Variants in PDE4B observed in about 807,000 individuals in gnomAD.
PDE4B encodes the protein phosphodiesterase 4B.
A neutral mutation model predicts 82.2 loss-of-function variants in PDE4B; 20 were observed. The ratio of observed to expected loss-of-function variants is 0.24; its 90% CI spans 0.17 to 0.35. The LOEUF is 0.35. Among genes scored for constraint, PDE4B ranks in the 10% least tolerant of loss-of-function variants. The pLI is 1.00. For synonymous variants in PDE4B, 320 were observed against 318.9 expected, an observed-to-expected ratio of 1.00 and a Z score of -0.04; for missense variants, 655 against 907.2, an observed-to-expected ratio of 0.72 and a Z score of 3.57.
chr1:66,213,042 T>G (rs1650188325), intron 3 of PDE4B, among the ~76,000 whole-genome samples: 2 of 152,214 alleles, frequency 1.3e-5, no homozygotes, highest in African/African-American at 4.8e-5. Context: ...AGCCTTCTTT[T>G]CTTTTTCTTT....
At chr1:66,002,981 A>G (rs1448831286) in intron 3 of PDE4B, among the ~76,000 whole-genome samples, 1 of 152,188 alleles carries the variant, frequency 6.6e-6, no homozygotes, top group African/African-American at 2.4e-5. Context: ...AATAGATGTT[A>G]CTGTTTAATT....
chr1:66,297,074 C>G (rs747622199), intron 7 of PDE4B, among the ~76,000 whole-genome samples: 3 of 152,070 alleles, frequency 2.0e-5, no homozygotes, highest in Non-Finnish European at 2.9e-5. Flanking sequence ...CTCTTCGTGT[C>G]TCTTTTCATA....
chr1:66,062,399 G>A (rs1388045481), intron 3 of PDE4B, among the ~76,000 whole-genome samples: 4 of 152,176 alleles, frequency 2.6e-5, no homozygotes, highest in East Asian at 3.9e-4. Context: ...ACAACTTGGG[G>A]ATTCTGTATA....
chr1:65,927,284 G>T (rs1427691663), intron 3 of PDE4B, among the ~76,000 whole-genome samples: 2 of 151,396 alleles, frequency 1.3e-5, no homozygotes, highest in Non-Finnish European at 2.9e-5. Context: ...AATGCACTGG[G>T]TGGTTATAGT....
rs1399342509 is a variant in PDE4B, at chr1:65,918,624, T to G, written c.70T>G (p.Leu24Val). The G allele has an allele frequency of 5.0e-6, 8 of 1,608,292 alleles. No individual in the cohort carries two copies. The Middle Eastern group carries it at 6.6e-4, about 133-fold the overall frequency. ...DNVKDYFECS[L>V]SKSYSSSSNT... ...TGTTAAAGATTATTTTGAATGTAGC[T>G]TGAGTAAATCCTACAGTTCTTCCAG... is the stretch of plus-strand genomic sequence containing the variant. The change falls in exon 3 of 17, where the codon TTG (leucine) becomes GTG (valine). Residue 24 changes from leucine (L) to valine (V), a missense_variant. Around this residue, in one of 3 missense-constraint regions of PDE4B, gnomAD observed 253 missense variants for 275.6 expected, o/e 0.92. Coordinates refer to ENST00000341517, the MANE Select transcript of PDE4B (RefSeq NM_002600.4).
At chr1:66,236,622 T>C (rs1652480790) in intron 3 of PDE4B, among the ~76,000 whole-genome samples, 1 of 152,166 alleles carries the variant, frequency 6.6e-6, no homozygotes, top group African/African-American at 2.4e-5. Context: ...TTGTTTTTGA[T>C]ACAAAACTTT....
At chr1:65,962,419 A>T (rs917898255) in intron 3 of PDE4B, among the ~76,000 whole-genome samples, 1 of 152,140 alleles carries the variant, frequency 6.6e-6, no homozygotes, top group African/African-American at 2.4e-5. Flanking sequence ...TCTGACCCAC[A>T]GGTAGCAGAA....
chr1:66,255,762 TG>T (rs1317093310), intron 4 of PDE4B, among the ~76,000 whole-genome samples: 1 of 152,252 alleles, frequency 6.6e-6, no homozygotes, highest in Non-Finnish European at 1.5e-5. Flanking sequence ...TGTATTAAAA[TG>T]TCTATTACAG....
intron 11 of PDE4B, 24 bp from the exon 12 acceptor site, chr1:66,363,383 G>A (rs977437331): frequency 3.8e-6 from 6 of 1,596,240 alleles, no homozygotes; most frequent in Admixed American, 1.7e-5. Context: ...ACTTATTTAT[G>A]TTCTAATCCA....
intron 7 of PDE4B, among the ~76,000 whole-genome samples, chr1:66,309,033 C>G (rs1475044044): frequency 6.6e-6 from 1 of 152,114 alleles, no homozygotes; most frequent in African/African-American, 2.4e-5. Context: ...AATGAATGCA[C>G]TGACATTTTG....
intron 3 of PDE4B, among the ~76,000 whole-genome samples, chr1:66,019,961 G>A (rs901826990): frequency 1.3e-5 from 2 of 152,198 alleles, no homozygotes; most frequent in African/African-American, 4.8e-5. Flanking sequence ...AGGTCTGCCA[G>A]TCAACAAGAA....
intron 7 of PDE4B, among the ~76,000 whole-genome samples, chr1:66,303,045 C>T (rs879739135): frequency 3.9e-5 from 6 of 152,142 alleles, no homozygotes; most frequent in Non-Finnish European, 8.8e-5. Context: ...ATTCAATTGC[C>T]TGTGTTGGAA....
chr1:66,252,207 T>C (rs1193044131), intron 4 of PDE4B, among the ~76,000 whole-genome samples: 1 of 152,224 alleles, frequency 6.6e-6, no homozygotes, highest in African/African-American at 2.4e-5. Context: ...ATCAGGAGCA[T>C]TCTCTTACTA....
chr1:66,249,755 T>C (rs2101681964), intron 4 of PDE4B, among the ~76,000 whole-genome samples: 1 of 151,512 alleles, frequency 6.6e-6, no homozygotes, highest in Admixed American at 6.6e-5. Context: ...ATGTAAATTA[T>C]TTAATATCAT....
intron 1 of PDE4B, among the ~76,000 whole-genome samples, chr1:65,859,295 T>C (rs1362529765): frequency 1.3e-5 from 2 of 152,120 alleles, no homozygotes; most frequent in African/African-American, 2.4e-5. Context: ...TAAAGGTCAA[T>C]TGATATCACA....
chr1:66,178,080 C>T (rs550169072), intron 3 of PDE4B, among the ~76,000 whole-genome samples: 4 of 151,442 alleles, frequency 2.6e-5, no homozygotes, highest in Admixed American at 1.3e-4. Flanking sequence ...GTATACATCT[C>T]TTATTCTAAC....
At chr1:66,026,812 C>T (rs1176161351) in intron 3 of PDE4B, among the ~76,000 whole-genome samples, 1 of 152,218 alleles carries the variant, frequency 6.6e-6, no homozygotes, top group Non-Finnish European at 1.5e-5. Context: ...ATCCTCATAA[C>T]ACAAATGCGT....
rs912248679 is a variant in PDE4B, at chr1:66,373,213, TCTTC to T, written c.*540_*543del. 1.3e-5 allele frequency: 2 copies of T among 154,332 alleles called. No individual in the cohort carries two copies. The highest frequency in any genetic ancestry group is 4.8e-5 in the African/African-American group (2 of 41,450). The allele number at this position is 154,332 out of a possible 1,614,324, so 9.6% of individuals were successfully genotyped here. A position where few individuals can be genotyped will look rare whatever the true frequency, so the allele number is the denominator to read the frequency against. ...TTTCTGGAAAAGGGAAAGAAAATAG[TCTTC>T]CTTCTTTCTTGGGCAATATCCTTCA... On this transcript the variant is annotated 3_prime_UTR_variant, in exon 17 of 17. Coordinates refer to ENST00000341517, the MANE Select transcript of PDE4B (RefSeq NM_002600.4).
chr1:65,940,651 A>G (rs927083655), intron 3 of PDE4B, among the ~76,000 whole-genome samples: 1 of 152,112 alleles, frequency 6.6e-6, no homozygotes, highest in Non-Finnish European at 1.5e-5. Context: ...TGAGAAAAGA[A>G]GTCTTCAAGA....
Sources: gnomAD v4.1 joint callset for allele counts (sites outside exome capture counted in the v4.1 genomes callset) on GRCh38, gnomAD v4.1.1 for gene constraint, gnomAD v4.1.1 regional missense constraint, MANE v1.5 for transcripts, NCBI Gene and HGNC (gene_info 2026-07-23, HGNC 2026-07-21) for gene names.